Variants in EHHADH observed in about 807,000 individuals in gnomAD.
EHHADH encodes the protein enoyl-CoA hydratase and 3-hydroxyacyl CoA dehydrogenase, also known as peroxisomal bifunctional enzyme.
EHHADH carries 48 observed loss-of-function variants against 64.4 expected under a neutral mutation model. The observed-to-expected ratio is 0.75, with a 90% CI of 0.59 to 0.95. The LOEUF (loss-of-function observed/expected upper bound fraction) is 0.95. Among genes scored for constraint, EHHADH ranks in the 40% least tolerant of loss-of-function variants. The pLI is 0.00. For missense variants in EHHADH, 854 were observed against 876.6 expected (o/e 0.97, Z 0.33); for synonymous variants, 308 against 326.7 (o/e 0.94, Z 0.62).
chr3:185,191,396 T>C lies in EHHADH; in HGVS notation c.*830A>G, dbSNP rs1404712466. The C allele has an allele frequency of 6.6e-6, 1 of 152,244 alleles. No homozygotes were observed. The highest frequency in any genetic ancestry group is 2.4e-5 in the African/African-American group (1 of 41,474). 9.4% of individuals were successfully genotyped at this position (152,244 alleles called of 1,614,324 possible). A position where few individuals can be genotyped will look rare whatever the true frequency, so the allele number is the denominator to read the frequency against. ...TGAATAATTCTGCTATAAATATTTG[T>C]GTACAAGTTTTTGTATTGACCAGCC... On this transcript the variant is annotated 3_prime_UTR_variant, in exon 7 of 7. Transcript: ENST00000231887.
rs753006174 is a variant in EHHADH, at chr3:185,193,275, C to T, written c.1123G>A (p.Val375Ile). Reference sequence around the variant, plus strand: ...AATACTGCTTCAATGACTAAATCTACACCACCAAGCTCCTTCACAGATGAA... The same window carrying T: ...AATACTGCTTCAATGACTAAATCTATACCACCAAGCTCCTTCACAGATGAA... ...LTSSVKELGGVDLVIEAVFEE... is the reference protein window; with the variant it reads ...LTSSVKELGGIDLVIEAVFEE... Residue 375 changes from valine to isoleucine, a missense_variant, in exon 7 of 7, where the codon GTA becomes ATA. Physicochemically the swap from Val to Ile is conservative, Grantham distance 29. Coordinates refer to ENST00000231887, the MANE Select transcript of EHHADH (RefSeq NM_001966.4). 2.5e-6 allele frequency: 4 copies of T among 1,603,462 alleles called. No homozygotes were observed. Among genetic ancestry groups the T allele is most frequent in the South Asian group, 2.2e-5 (2 of 88,954 alleles).
intron 2 of EHHADH, among the ~76,000 whole-genome samples, chr3:185,244,492 T>C (rs1411377863): frequency 6.6e-6 from 1 of 152,222 alleles, no homozygotes; most frequent in East Asian, 1.9e-4. Context: ...TGTCAGGTGT[T>C]AGTATCAAGG....
intron 2 of EHHADH, chr3:185,246,374 A>G: frequency 1.5e-6 from 1 of 667,736 alleles, no homozygotes; most frequent in East Asian, 3.4e-5. Flanking sequence ...CATCTAACAT[A>G]AAAGGCTTCT....
chr3:185,247,557 T>C (rs1221593564), intron 2 of EHHADH, among the ~76,000 whole-genome samples: 5 of 152,008 alleles, frequency 3.3e-5, no homozygotes, highest in Non-Finnish European at 7.4e-5. Flanking sequence ...TTATTATTAT[T>C]ATTTAATAAA....
At chr3:185,217,691 T>C (rs62290794) in intron 5 of EHHADH, among the ~76,000 whole-genome samples, 20,068 of 151,844 alleles carry the variant, frequency 0.13, 2,016 homozygotes, top group African/African-American at 0.27. Flanking sequence ...GCTGGTACCA[T>C]GCTTGTACAA....
chr3:185,245,890 G>C, intron 2 of EHHADH: 1 of 1,138,808 alleles, frequency 8.8e-7, no homozygotes. Flanking sequence ...TTTCCCTCAT[G>C]ATGTTGAACA....
At chr3:185,241,730 T>C (rs1157621869) in intron 2 of EHHADH, among the ~76,000 whole-genome samples, 5 of 152,212 alleles carry the variant, frequency 3.3e-5, no homozygotes, top group African/African-American at 1.2e-4. Context: ...GTGAAGATTT[T>C]CCCCCACTCT....
intron 3 of EHHADH, among the ~76,000 whole-genome samples, chr3:185,233,202 T>C (rs1355921427): frequency 2.0e-5 from 3 of 152,176 alleles, no homozygotes; most frequent in East Asian, 3.8e-4. Context: ...CTTGTGACAA[T>C]AATAGCATAA....
rs573964831 is a variant in EHHADH at position 185,225,218 on chromosome 3, C to T, written c.463+4214G>A. 2.0e-5 allele frequency among the ~76,000 whole-genome samples: 3 copies of T among 152,282 alleles called. No homozygotes were observed. In the South Asian group the frequency reaches 6.2e-4, roughly 32 times the overall value. ...CTCCACTTGGATGTGTAACAGGCCT[C>T]TCAAACTTAACATGTCCCAAATGAA... On this transcript the variant is annotated intron_variant, in intron 4 of 6. Coordinates refer to ENST00000231887, the MANE Select transcript of EHHADH (RefSeq NM_001966.4).
intron 4 of EHHADH, among the ~76,000 whole-genome samples, chr3:185,227,060 G>T (rs1718997863): frequency 6.6e-6 from 1 of 152,222 alleles, no homozygotes; most frequent in South Asian, 2.1e-4. Flanking sequence ...TAAAAATTAA[G>T]TTGCACAAGG....
intron 5 of EHHADH, among the ~76,000 whole-genome samples, chr3:185,215,416 T>C (rs1455406406): frequency 6.6e-6 from 1 of 152,158 alleles, no homozygotes; most frequent in Non-Finnish European, 1.5e-5. Flanking sequence ...GACTATATAC[T>C]ACTGCATGAT....
chr3:185,204,963 C>G (rs1440771183), intron 5 of EHHADH, among the ~76,000 whole-genome samples: 2 of 152,038 alleles, frequency 1.3e-5, no homozygotes, highest in Non-Finnish European at 2.9e-5. Flanking sequence ...TTAGTAGACT[C>G]AAAGCAATTT....
intron 1 of EHHADH, among the ~76,000 whole-genome samples, chr3:185,253,543 C>T (rs1719806336): frequency 6.8e-6 from 1 of 146,500 alleles, no homozygotes; most frequent in South Asian, 2.2e-4. Context: ...ACGTTGTGCA[C>T]ATGTACCCTA....
At chr3:185,219,600 C>T (rs149149301) in intron 4 of EHHADH, among the ~76,000 whole-genome samples, 1 of 152,190 alleles carries the variant, frequency 6.6e-6, no homozygotes, top group Non-Finnish European at 1.5e-5. Flanking sequence ...ATTTGATCTG[C>T]ATATTCTGAG....
At chr3:185,227,483 G>C (rs1252251473) in intron 4 of EHHADH, among the ~76,000 whole-genome samples, 2 of 151,716 alleles carry the variant, frequency 1.3e-5, no homozygotes, top group African/African-American at 2.4e-5. Flanking sequence ...GGTGAGCTGA[G>C]ATCGCAGCAT....
chr3:185,221,935 C>T (rs368592816), intron 4 of EHHADH, among the ~76,000 whole-genome samples: 7 of 152,144 alleles, frequency 4.6e-5, no homozygotes, highest in South Asian at 2.1e-4. Context: ...GGTTTCTATA[C>T]GGATTTCTAC....
At chr3:185,235,259 A>G in intron 3 of EHHADH, 31 bp downstream of exon 3, 1 of 1,553,802 alleles carries the variant, frequency 6.4e-7, no homozygotes, top group Non-Finnish European at 8.7e-7. Context: ...AGCCCCACAC[A>G]CCAGCCACTA....
At chr3:185,242,861 C>T (rs1719495583) in intron 2 of EHHADH, among the ~76,000 whole-genome samples, 1 of 152,324 alleles carries the variant, frequency 6.6e-6, no homozygotes, top group Non-Finnish European at 1.5e-5. Flanking sequence ...TCCCACCCTC[C>T]CCCGAGTTCT....
rs760150955 is a variant in EHHADH, at chr3:185,192,015, T to C, written c.*211A>G. ...TATTATATTCACACAAGTTCATGCA[T>C]TGAATTTATCTGATAAGGACAGATT... On this transcript the variant is annotated 3_prime_UTR_variant, in exon 7 of 7. Coordinates refer to ENST00000231887, the MANE Select transcript of EHHADH (RefSeq NM_001966.4). 2.6e-5 allele frequency: 15 copies of C among 569,200 alleles called. No individual in the cohort carries two copies. Among genetic ancestry groups the C allele is most frequent in the Non-Finnish European group, 4.2e-5 (14 of 331,548 alleles). The allele number at this position is 569,200 out of a possible 1,614,324, so 35.3% of individuals were successfully genotyped here.
Sources: gnomAD v4.1 joint callset for allele counts (sites outside exome capture counted in the v4.1 genomes callset) on GRCh38, gnomAD v4.1.1 for gene constraint, MANE v1.5 for transcripts, NCBI Gene and HGNC (gene_info 2026-07-23, HGNC 2026-07-21) for gene names.